PIGL: variants seen among roughly 807,000 people sequenced by gnomAD.
The protein encoded by PIGL is N-acetylglucosaminyl-phosphatidylinositol de-N-acetylase.
A neutral mutation model predicts 31.1 loss-of-function variants in PIGL; 22 were observed. That is an observed-to-expected ratio of 0.71 (90% CI 0.51 to 1.01). PIGL has a LOEUF of 1.01. Among genes scored for constraint, PIGL ranks in the 50% least tolerant of loss-of-function variants. The pLI, the probability that PIGL is intolerant of heterozygous loss-of-function variation, is 0.00. For synonymous variants in PIGL, 131 were observed against 117.4 expected, an observed-to-expected ratio of 1.12 and a Z score of -0.75; for missense variants, 302 against 315.9, an observed-to-expected ratio of 0.96 and a Z score of 0.33.
At chr17:16,280,591 C>T (rs1380865307) in intron 2 of PIGL, among the ~76,000 whole-genome samples, 1 of 152,180 alleles carries the variant, frequency 6.6e-6, no homozygotes, top group Non-Finnish European at 1.5e-5. Context: ...ATCAGCATCC[C>T]CAACCCAAAT....
At chr17:16,218,340 C>T (rs1433093843) in intron 1 of PIGL, 4 of 152,034 alleles carry the variant, frequency 2.6e-5, no homozygotes, top group African/African-American at 9.7e-5. Context: ...CATTTATTTA[C>T]CAAATACTTA....
chr17:16,285,847 A>AC, intron 2 of PIGL, among the ~76,000 whole-genome samples: 2 of 151,890 alleles, frequency 1.3e-5, no homozygotes, highest in African/African-American at 4.8e-5. Context: ...GTGCAGAGAC[A>AC]CCCCCCAGAA....
intron 2 of PIGL, among the ~76,000 whole-genome samples, chr17:16,267,353 G>A (rs2092848623): frequency 6.6e-6 from 1 of 152,050 alleles, no homozygotes; most frequent in African/African-American, 2.4e-5. Flanking sequence ...GGCGGAAGAG[G>A]TGGAGGAAGT....
At chr17:16,220,483 T>G (rs2092622618) in intron 1 of PIGL, among the ~76,000 whole-genome samples, 1 of 115,178 alleles carries the variant, frequency 8.7e-6, no homozygotes, top group African/African-American at 3.7e-5. Flanking sequence ...AATTGTTATT[T>G]TTTTTTTTTT....
chr17:16,318,467 C>T (rs1029344341), intron 6 of PIGL, among the ~76,000 whole-genome samples: 3 of 151,692 alleles, frequency 2.0e-5, no homozygotes, highest in Non-Finnish European at 4.4e-5. Flanking sequence ...GCTGGGGTTT[C>T]ATCATGTTGG....
intron 2 of PIGL, among the ~76,000 whole-genome samples, chr17:16,253,010 G>A (rs2092779125): frequency 6.6e-6 from 1 of 152,104 alleles, no homozygotes; most frequent in African/African-American, 2.4e-5. Flanking sequence ...CTGAAGTCAG[G>A]AGTTCAAGGC....
chr17:16,238,330 A>G (rs1481722290), intron 2 of PIGL, among the ~76,000 whole-genome samples: 1 of 151,986 alleles, frequency 6.6e-6, no homozygotes, highest in Non-Finnish European at 1.5e-5. Flanking sequence ...CCTGCAATTT[A>G]CTTTAAGATA....
intron 3 of PIGL, among the ~76,000 whole-genome samples, chr17:16,306,593 A>T (rs1011235423): frequency 4.2e-5 from 6 of 144,524 alleles, no homozygotes; most frequent in African/African-American, 1.3e-4. Context: ...CAATGGCGCG[A>T]TCTCAGCTCA....
At chr17:16,309,883 G>A (rs1283607294) in intron 3 of PIGL, among the ~76,000 whole-genome samples, 1 of 152,060 alleles carries the variant, frequency 6.6e-6, no homozygotes, top group South Asian at 2.1e-4. Context: ...TTTGAGACCA[G>A]CACAGCCAAC....
At chr17:16,265,523 A>G (rs1282582041) in intron 2 of PIGL, among the ~76,000 whole-genome samples, 1 of 151,982 alleles carries the variant, frequency 6.6e-6, no homozygotes, top group Non-Finnish European at 1.5e-5. Context: ...TGGGCAGATC[A>G]TGAGGTGAGG....
At chr17:16,268,830 T>C (rs1341061577) in intron 2 of PIGL, among the ~76,000 whole-genome samples, 3 of 151,460 alleles carry the variant, frequency 2.0e-5, no homozygotes. Context: ...TGGCGCAATT[T>C]CGGCTCACTG....
chr17:16,322,526 T>C (rs2093110509), intron 6 of PIGL, among the ~76,000 whole-genome samples: 1 of 152,262 alleles, frequency 6.6e-6, no homozygotes. Context: ...AGTTTTGATA[T>C]GTAGTTCTCC....
At chr17:16,316,506 T>A (rs576034125) in intron 4 of PIGL, among the ~76,000 whole-genome samples, 175 bp from the exon 5 acceptor site, 1 of 152,276 alleles carries the variant, frequency 6.6e-6, no homozygotes, top group African/African-American at 2.4e-5. Context: ...CCTTCAGCTG[T>A]TGCCAGAGGT....
chr17:16,230,834 C>G (rs933916719), intron 1 of PIGL, among the ~76,000 whole-genome samples: 1 of 151,798 alleles, frequency 6.6e-6, no homozygotes, highest in East Asian at 1.9e-4. Context: ...TGTAAAGACT[C>G]AAATTTATAC....
intron 2 of PIGL, among the ~76,000 whole-genome samples, chr17:16,299,383 G>A (rs930326964): frequency 1.3e-5 from 2 of 151,246 alleles, no homozygotes; most frequent in Non-Finnish European, 3.0e-5. Flanking sequence ...GGCAAAGGTT[G>A]TAGTGAGCCG....
At chr17:16,225,534 A>ACCTG (rs2092648581) in intron 1 of PIGL, among the ~76,000 whole-genome samples, 1 of 145,864 alleles carries the variant, frequency 6.9e-6, no homozygotes, top group South Asian at 2.2e-4. Context: ...GACTACAGTC[A>ACCTG]CCTGCCACCA....
chr17:16,228,006 T>G (rs1456080007), intron 1 of PIGL, among the ~76,000 whole-genome samples: 4 of 151,962 alleles, frequency 2.6e-5, no homozygotes, highest in African/African-American at 9.7e-5. Context: ...TAATATTATT[T>G]AAATTGTGGT....
chr17:16,324,170 G>A (rs2093117706), intron 6 of PIGL, among the ~76,000 whole-genome samples: 1 of 151,222 alleles, frequency 6.6e-6, no homozygotes, highest in African/African-American at 2.4e-5. Flanking sequence ...TCACCATGTT[G>A]GTCAGGCTGG....
At chr17:16,295,402 CAAA>C (rs60864452) in intron 2 of PIGL, among the ~76,000 whole-genome samples, 3 of 72,304 alleles carry the variant, frequency 4.1e-5, no homozygotes, top group Admixed American at 1.6e-4. Context: ...GACTCCGTCT[CAAA>C]AAAAAAAAAA....
Sources: allele counts gnomAD v4.1 joint callset (sites outside exome capture counted in the v4.1 genomes callset), GRCh38; gene constraint gnomAD v4.1.1; transcripts MANE v1.5; gene names NCBI Gene and HGNC (gene_info 2026-07-23, HGNC 2026-07-21).